CEP63: variants seen among roughly 807,000 people sequenced by gnomAD.
CEP63 encodes centrosomal protein 63.
A neutral mutation model predicts 89.1 loss-of-function variants in CEP63; 84 were observed. That is an observed-to-expected ratio of 0.94 (90% confidence interval 0.79 to 1.13). The LOEUF is 1.13. CEP63 is among the 50% of genes most tolerant of loss of function. The pLI is 0.00. For missense variants in CEP63, 838 were observed against 813.3 expected, an observed-to-expected ratio of 1.03 and a Z score of -0.37; for synonymous variants, 267 against 272.5, an observed-to-expected ratio of 0.98 and a Z score of 0.20.
At chr3:134,582,596 G>T (rs934343457) in intron 10 of CEP63, among the ~76,000 whole-genome samples, 2 of 152,154 alleles carry the variant, frequency 1.3e-5, no homozygotes, top group Non-Finnish European at 2.9e-5. Flanking sequence ...ACATTGGGTT[G>T]GTTCCAAGTC....
intron 10 of CEP63, among the ~76,000 whole-genome samples, chr3:134,586,774 C>A (rs1365937901): frequency 1.3e-5 from 2 of 152,146 alleles, no homozygotes; most frequent in Non-Finnish European, 2.9e-5. Flanking sequence ...TGTATAATAT[C>A]CTGAAGAGTG....
chr3:134,718,819 A>G, the CEP63 span, among the ~76,000 whole-genome samples: 1 of 152,340 alleles, frequency 6.6e-6, no homozygotes. Context: ...ACTGGAGTGC[A>G]CAAGGCTACA....
At chr3:134,550,042 T>G in intron 10 of CEP63, 21 bp from the exon 11 acceptor site, 1 of 1,588,138 alleles carries the variant, frequency 6.3e-7, no homozygotes, top group Non-Finnish European at 8.6e-7. Flanking sequence ...TTTTGGTGCT[T>G]TCTTTTCTGC....
At chr3:134,499,182 G>C (rs541024206) in intron 2 of CEP63, among the ~76,000 whole-genome samples, 1 of 152,244 alleles carries the variant, frequency 6.6e-6, no homozygotes, top group South Asian at 2.1e-4. Flanking sequence ...TCTCTCTTGG[G>C]AGACTTTTTA....
intron 2 of CEP63, among the ~76,000 whole-genome samples, chr3:134,498,909 C>T (rs1482524241): frequency 2.0e-5 from 3 of 152,080 alleles, no homozygotes; most frequent in Admixed American, 6.6e-5. Context: ...GCTGTATTAT[C>T]TTTCTGTTCT....
chr3:134,780,484 T>G, the CEP63 span: 1 of 152,246 alleles, frequency 6.6e-6, no homozygotes, highest in East Asian at 1.9e-4. Context: ...AGATATTTCA[T>G]GTAAGTGGAG....
chr3:134,490,461 T>C (rs1937222259), intron 1 of CEP63, among the ~76,000 whole-genome samples: 1 of 152,196 alleles, frequency 6.6e-6, no homozygotes, highest in South Asian at 2.1e-4. Flanking sequence ...TTATTTTATA[T>C]GTCTCTAGGA....
At chr3:134,736,615 C>G in the CEP63 span, among the ~76,000 whole-genome samples, 3 of 152,092 alleles carry the variant, frequency 2.0e-5, no homozygotes, top group African/African-American at 7.2e-5. Flanking sequence ...GTGTTTGTGA[C>G]CTTTCTGAAG....
chr3:134,712,332 C>T, the CEP63 span, among the ~76,000 whole-genome samples: 140,126 of 152,178 alleles, frequency 0.92, 64,938 homozygotes, highest in East Asian at 1. Context: ...CTCCCGTTGT[C>T]AGATTTTAGA....
At chr3:134,530,040 A>AT (rs1275324206) in intron 3 of CEP63, among the ~76,000 whole-genome samples, 20 of 151,528 alleles carry the variant, frequency 1.3e-4, no homozygotes, top group Admixed American at 3.9e-4. Flanking sequence ...CACCTGGCTA[A>AT]TTTTTTGTAT....
At chr3:134,565,663 T>A (rs1185715620), downstream of CEP63, among the ~76,000 whole-genome samples, 1 of 151,664 alleles carries the variant, frequency 6.6e-6, no homozygotes. Flanking sequence ...CACTAATGAA[T>A]CTAGTTGTCC....
At chr3:134,491,065 T>C (rs1304055238) in intron 1 of CEP63, among the ~76,000 whole-genome samples, 1 of 152,220 alleles carries the variant, frequency 6.6e-6, no homozygotes, top group Non-Finnish European at 1.5e-5. Flanking sequence ...TTTTTGCCAA[T>C]GAGCCTGTGG....
At chr3:134,558,817 C>T (rs1956776720) in intron 13 of CEP63, among the ~76,000 whole-genome samples, 1 of 152,184 alleles carries the variant, frequency 6.6e-6, no homozygotes, top group South Asian at 2.1e-4. Flanking sequence ...CACCTCCACT[C>T]CTACACCCAC....
At chr3:134,742,485 AAAAT>A in the CEP63 span, among the ~76,000 whole-genome samples, 29 of 152,164 alleles carry the variant, frequency 1.9e-4, no homozygotes, top group African/African-American at 7.0e-4. Context: ...TATCAAGCAG[AAAAT>A]ACTGCAGGCC....
the CEP63 span, among the ~76,000 whole-genome samples, chr3:134,629,010 A>T: frequency 6.6e-6 from 1 of 152,224 alleles, no homozygotes; most frequent in African/African-American, 2.4e-5. Context: ...ATTCTTCCTG[A>T]GGTCCCTGTT....
chr3:134,710,467 G>A, the CEP63 span, among the ~76,000 whole-genome samples: 6 of 152,146 alleles, frequency 3.9e-5, no homozygotes, highest in Non-Finnish European at 7.4e-5. Context: ...TGGAACAAGC[G>A]AAAATCATTT....
intron 5 of CEP63, chr3:134,535,508 T>TTTG (rs1445232894): frequency 1.1e-4 from 17 of 151,662 alleles, no homozygotes; most frequent in African/African-American, 3.9e-4. Context: ...TCCTTTTTTT[T>TTTG]TTTCCTATCT....
intron 12 of CEP63, among the ~76,000 whole-genome samples, chr3:134,557,372 A>ATTTTTTTTTTTTTT (rs1488699483): frequency 2.0e-5 from 1 of 50,432 alleles, no homozygotes; most frequent in African/African-American, 9.2e-5. Context: ...TACTTTCATA[A>ATTTTTTTTTTTTTT]TTTGTTTTTT....
chr3:134,696,932 C>A, the CEP63 span, among the ~76,000 whole-genome samples: 4 of 152,150 alleles, frequency 2.6e-5, no homozygotes, highest in African/African-American at 9.7e-5. Flanking sequence ...TTTATGTGAT[C>A]ATTTCCTTAG....
Sources: gnomAD v4.1 joint callset for allele counts (sites outside exome capture counted in the v4.1 genomes callset) on GRCh38, gnomAD v4.1.1 for gene constraint, MANE v1.5 for transcripts, NCBI Gene and HGNC (gene_info 2026-07-23, HGNC 2026-07-21) for gene names.